PROM2: variants seen among roughly 807,000 people sequenced by gnomAD.
PROM2 encodes the protein prominin 2.
In PROM2, 90 loss-of-function variants were observed where a neutral mutation model predicts 110.2. The ratio of observed to expected loss-of-function variants is 0.82; its 90% CI spans 0.69 to 0.97. The LOEUF (loss-of-function observed/expected upper bound fraction) is 0.97, where lower values mean the gene tolerates loss of function less well. Among genes scored for constraint, PROM2 ranks in the 50% least tolerant of loss-of-function variants. The pLI is 0.00. For missense variants in PROM2, 1,009 were observed against 1,074.8 expected (o/e 0.94, Z 0.86); for synonymous variants, 470 against 467.8 (o/e 1.00, Z -0.06).
Position 95,275,485 on chromosome 2 carries a change from A to G in PROM2, c.269A>G (p.Glu90Gly). ...GAGTTGGTAAAGGCCCTACTGAATG[A>G]GCTGGCCTCCGTGAAGGTGAATGAG... ...PSELVKALLN[E>G]LASVKVNEVV... Residue 90 changes from glutamate (E) to glycine (G), a missense_variant, in exon 2 of 24, where the codon GAG (glutamate) becomes GGG (glycine). Glu to Gly is a moderately conservative substitution (Grantham distance 98). Coordinates refer to ENST00000317620, the MANE Select transcript of PROM2 (RefSeq NM_001165978.3). This position sits in a 1 kb window ranked among gnomAD's most constrained non-coding sequence, Gnocchi z 4.4. 6.2e-7 allele frequency: 1 copy of G among 1,613,752 alleles called. No individual in the cohort carries two copies. Among genetic ancestry groups the G allele is most frequent in the Non-Finnish European group, 8.5e-7 (1 of 1,179,824 alleles).
rs757145883 is a variant in PROM2, at chr2:95,287,471, G to C, written c.2244+7G>C. 5 of 1,613,404 alleles carry C rather than the reference G, an allele frequency of 3.1e-6. No individual in the cohort carries two copies. Among genetic ancestry groups the C allele is most frequent in the Non-Finnish European group, 4.2e-6 (5 of 1,179,608 alleles). ...GGCCTGGGTGAGAGAGGAGGTGAGT[G>C]GGGCCTCAGAAGCAATGACTGATTC... is the stretch of plus-strand genomic sequence containing the variant. On this transcript the variant is annotated splice_region_variant and intron_variant, in intron 20 of 23. Coordinates refer to ENST00000317620, the MANE Select transcript of PROM2 (RefSeq NM_001165978.3).
Position 95,274,817 on chromosome 2 carries a change from C to A in PROM2, c.232C>A (p.Pro78Thr). Residue 78 changes from proline to threonine, a missense_variant, in exon 1 of 24, where the codon CCT becomes ACT. Transcript: ENST00000317620. ...CTTCCTCTCGGTGGTGCAGCTCAATCCTTTCCCTTCAGGTGAGTGTGCCCC... is the reference window on the plus strand; with the variant it reads ...CTTCCTCTCGGTGGTGCAGCTCAATACTTTCCCTTCAGGTGAGTGTGCCCC... ...RRFLSVVQLN[P>T]FPSELVKALL... 1.3e-6 allele frequency: 2 copies of A among 1,565,088 alleles called. No individual in the cohort carries two copies. Among genetic ancestry groups the A allele is most frequent in the Non-Finnish European group, 1.7e-6 (2 of 1,156,496 alleles).
At position 95,279,150 on chromosome 2, in the gene PROM2, G is replaced by T; in HGVS notation, c.1274+6G>T. On this transcript the variant is annotated splice_donor_region_variant and intron_variant, in intron 10 of 23. Coordinates refer to ENST00000317620, the MANE Select transcript of PROM2 (RefSeq NM_001165978.3). ...CAGAGATACGAGACCTACAGGTGCT[G>T]GGCACCGCAGGGTGGGATGGGGTGG... 1.4e-6 allele frequency: 1 copy of T among 708,956 alleles called. No homozygotes were observed. The allele number at this position is 708,956 out of a possible 1,614,324, so 43.9% of individuals were successfully genotyped here. A position where few individuals can be genotyped will look rare whatever the true frequency, so the allele number is the denominator to read the frequency against.
Position 95,275,075 on chromosome 2 carries a change from A to T in PROM2, c.244+246A>T. ...GGAGGTTACATTGGAAATACATTAGACCTGACTCAGACATCCTCTTAGTCT... is the reference window on the plus strand; with the variant it reads ...GGAGGTTACATTGGAAATACATTAGTCCTGACTCAGACATCCTCTTAGTCT... On this transcript the variant is annotated intron_variant, in intron 1 of 23. Coordinates refer to ENST00000317620, the MANE Select transcript of PROM2 (RefSeq NM_001165978.3). The surrounding 1 kb of genome is among the most constrained non-coding windows in gnomAD (Gnocchi z 4.4). 1 of 487,550 alleles carries T rather than the reference A, an allele frequency of 2.1e-6. No homozygotes were observed. The highest frequency in any genetic ancestry group is 4.8e-5 in the South Asian group (1 of 20,798). The allele number at this position is 487,550 out of a possible 1,614,324, so 30.2% of individuals were successfully genotyped here. A position where few individuals can be genotyped will look rare whatever the true frequency, so the allele number is the denominator to read the frequency against.
rs566678690 is a variant in PROM2, at chr2:95,275,506, A to T, written c.290A>T (p.Asn97Ile). Residue 97 changes from asparagine to isoleucine, a missense_variant, in exon 2 of 24, where the codon AAT (asparagine) becomes ATT (isoleucine). By Grantham distance (149) the Asn-to-Ile change is moderately radical (BLOSUM62 -3). Transcript: ENST00000317620. The surrounding 1 kb of genome is among the most constrained non-coding windows in gnomAD (Gnocchi z 4.4). Reference sequence around the variant, plus strand: ...AATGAGCTGGCCTCCGTGAAGGTGAATGAGGTGAGCAAGCTGGGGAAAGGT... The same window carrying T: ...AATGAGCTGGCCTCCGTGAAGGTGATTGAGGTGAGCAAGCTGGGGAAAGGT... ...LLNELASVKV[N>I]EVVRYEAGYV... 5.5e-5 allele frequency: 89 copies of T among 1,613,834 alleles called. 1 individual carries two copies. The South Asian group carries it at 9.7e-4, about 18-fold the overall frequency.
In PROM2 at chr2:95,275,487, C is replaced by G. The variant is rs888249863; in HGVS notation, c.271C>G (p.Leu91Val). The G allele has an allele frequency of 2.5e-6, 4 of 1,613,670 alleles. No homozygotes were observed. Among genetic ancestry groups the G allele is most frequent in the African/African-American group, 1.3e-5 (1 of 74,924 alleles). Residue 91 changes from leucine (L) to valine (V), a missense_variant, in exon 2 of 24, where the codon CTG (leucine) becomes GTG (valine). Coordinates refer to ENST00000317620, the MANE Select transcript of PROM2 (RefSeq NM_001165978.3). This position sits in a 1 kb window ranked among gnomAD's most constrained non-coding sequence, Gnocchi z 4.4. The stretch of plus-strand genomic sequence containing the variant: ...GTTGGTAAAGGCCCTACTGAATGAG[C>G]TGGCCTCCGTGAAGGTGAATGAGGT... ...SELVKALLNE[L>V]ASVKVNEVVR...
chr2:95,286,983 T>A, intron 18 of PROM2, 126 bp downstream of exon 18: 1 of 1,304,296 alleles, frequency 7.7e-7, no homozygotes, highest in Non-Finnish European at 1.1e-6. Context: ...GGGAGGAAGA[T>A]GGGGGTGGCA....
chr2:95,286,744 C>T, intron 17 of PROM2, 60 bp from the exon 18 acceptor site: 2 of 1,391,096 alleles, frequency 1.4e-6, no homozygotes, highest in East Asian at 2.4e-5. Context: ...CACTTTCCTC[C>T]CCTCTCCTCC....
rs1392089614 is a variant in PROM2, at chr2:95,288,681, C to T, written c.2441+92C>T. The T allele has an allele frequency of 3.9e-5, 44 of 1,128,374 alleles. No individual in the cohort carries two copies. In the East Asian group the frequency reaches 1.0e-3, roughly 26 times the overall value. 69.9% of individuals were successfully genotyped at this position (1,128,374 alleles called of 1,614,324 possible). A position where few individuals can be genotyped will look rare whatever the true frequency, so the allele number is the denominator to read the frequency against. On this transcript the variant is annotated intron_variant, in intron 22 of 23. Coordinates refer to ENST00000317620, the MANE Select transcript of PROM2 (RefSeq NM_001165978.3). ...CCCCTGTCACAGCCCCTCCTGAGAC[C>T]TCCCAGGCAGAGGAGGCTCATGAGC...
At chr2:95,285,541 T>C (rs1677304239) in intron 15 of PROM2, 98 bp from the exon 16 acceptor site, 1 of 955,296 alleles carries the variant, frequency 1.0e-6, no homozygotes, top group Non-Finnish European at 1.6e-6. Context: ...GTGTAGGTTA[T>C]ATTTGATAAG....
chr2:95,279,711 A>G, intron 10 of PROM2, 134 bp from the exon 11 acceptor site: 1 of 639,002 alleles, frequency 1.6e-6, no homozygotes. Context: ...GGGCCTCAGG[A>G]AGAGTCTGTA....
In PROM2 at chr2:95,279,918, G is replaced by A; in HGVS notation, c.1348G>A (p.Gly450Ser). Reference sequence around the variant, plus strand: ...CTGCAACCTGCTGGGCCTCAATCTGGGCATCTGGGGCCTGTCTGCCAGGGA... The same window carrying A: ...CTGCAACCTGCTGGGCCTCAATCTGAGCATCTGGGGCCTGTCTGCCAGGGA... Reference protein sequence around the residue: ...VLCNLLGLNLGIWGLSARDDP... With the variant: ...VLCNLLGLNLSIWGLSARDDP... The change falls in exon 11 of 24, where the codon GGC becomes AGC. Residue 450 changes from glycine to serine, a missense_variant. By Grantham distance (56) the Gly-to-Ser change is moderately conservative (BLOSUM62 0). Transcript: ENST00000317620. 6.4e-7 allele frequency: 1 copy of A among 1,556,992 alleles called. No homozygotes were observed. Among genetic ancestry groups the A allele is most frequent in the South Asian group, 1.2e-5 (1 of 83,630 alleles).
In PROM2 at chr2:95,275,166, T is replaced by C. The variant is rs1558739466; in HGVS notation, c.245-295T>C. Among the ~76,000 whole-genome samples the C allele has an allele frequency of 6.6e-6, 1 of 152,194 alleles. No individual in the cohort carries two copies. Among genetic ancestry groups the C allele is most frequent in the South Asian group, 2.1e-4 (1 of 4,832 alleles). On this transcript the variant is annotated intron_variant, in intron 1 of 23. Transcript: ENST00000317620. This position sits in a 1 kb window ranked among gnomAD's most constrained non-coding sequence, Gnocchi z 4.4. ...CCCTCCCAGTCCTGTCCCTTGCTGC[T>C]TGAGGGGAAGAACTGCCAGGCCAGA...
rs186452038 is a variant in PROM2, at chr2:95,280,099, C to T, written c.1427+102C>T. The T allele has an allele frequency of 4.3e-6, 5 of 1,167,684 alleles. No homozygotes were observed. The Admixed American group carries it at 1.5e-4, about 35-fold the overall frequency. 72.3% of individuals were successfully genotyped at this position (1,167,684 alleles called of 1,614,324 possible). A position where few individuals can be genotyped will look rare whatever the true frequency, so the allele number is the denominator to read the frequency against. ...CCGGTGTGGCTGCCAGTGTCAGTGTCATCATCTGAATAAAGGGGTTGAACC... is the reference window on the plus strand; with the variant it reads ...CCGGTGTGGCTGCCAGTGTCAGTGTTATCATCTGAATAAAGGGGTTGAACC... On this transcript the variant is annotated intron_variant, in intron 11 of 23. Transcript: ENST00000317620.
Position 95,276,619 on chromosome 2 carries a change from T to C in PROM2, c.644T>C (p.Phe215Ser), listed in dbSNP as rs760070766. The change falls in exon 5 of 24, where the codon TTC (phenylalanine) becomes TCC (serine). Residue 215 changes from phenylalanine to serine, a missense_variant. Coordinates refer to ENST00000317620, the MANE Select transcript of PROM2 (RefSeq NM_001165978.3). This position sits in a 1 kb window ranked among gnomAD's most constrained non-coding sequence, Gnocchi z 4.6. ...PQELQAVAQQ[F>S]SLPQEQVSEE... ...GAGCTGCAGGCCGTGGCACAGCAAT[T>C]CTCCCTGCCCCAGGAGCAAGTCTCA... The C allele has an allele frequency of 6.9e-5, 111 of 1,613,178 alleles. No individual in the cohort carries two copies. The highest frequency in any genetic ancestry group is 9.2e-5 in the Non-Finnish European group (108 of 1,179,992).
At chr2:95,281,147 T>C in intron 11 of PROM2, 95 bp from the exon 12 acceptor site, 1 of 1,518,612 alleles carries the variant, frequency 6.6e-7, no homozygotes, top group Non-Finnish European at 8.9e-7. Context: ...GCCAACTGGC[T>C]GAGCAGGCTG....
rs1378183159 is a variant in PROM2 at position 95,278,021 on chromosome 2, C to T, written c.1050+17C>T. 1.9e-6 allele frequency: 3 copies of T among 1,602,600 alleles called. No homozygotes were observed. In the African/African-American group the frequency reaches 4.0e-5, roughly 22 times the overall value. On this transcript the variant is annotated intron_variant, in intron 8 of 23. Transcript: ENST00000317620. ...GTCCAGGAGGTGAGAGCCACCTGGT[C>T]TGCCTGATTTCTCCCTCACCTGCCA...
At position 95,274,717 on chromosome 2, in the gene PROM2, A is replaced by G; in HGVS notation, c.132A>G (p.Ala44=). Residue 44 remains alanine (A), a synonymous_variant, in exon 1 of 24, where the codon GCA becomes GCG. Transcript: ENST00000317620. ...GPAEHLTFTP[A]ARARWLAPRV... ...CAGAGCACCTGACATTCACCCCAGCAGCCAGGGCCCGGTGGCTGGCCCCTC... is the reference window on the plus strand; with the variant it reads ...CAGAGCACCTGACATTCACCCCAGCGGCCAGGGCCCGGTGGCTGGCCCCTC... 2.5e-6 allele frequency: 4 copies of G among 1,612,452 alleles called. No individual in the cohort carries two copies. The highest frequency in any genetic ancestry group is 3.4e-6 in the Non-Finnish European group (4 of 1,179,924).
chr2:95,285,801 G>A, intron 16 of PROM2, 91 bp downstream of exon 16: 1 of 1,250,096 alleles, frequency 8.0e-7, no homozygotes, highest in Non-Finnish European at 1.1e-6. Context: ...GGCAAAGGCA[G>A]GGAACTGAGG....
Sources: gnomAD v4.1 joint callset for allele counts (sites outside exome capture counted in the v4.1 genomes callset) on GRCh38, gnomAD v4.1.1 for gene constraint, Gnocchi (gnomAD v3.1) non-coding constraint, MANE v1.5 for transcripts, NCBI Gene and HGNC (gene_info 2026-07-23, HGNC 2026-07-21) for gene names.